Variants in ZNF608 observed in about 807,000 individuals in gnomAD.
ZNF608 encodes the protein zinc finger protein 608.
A neutral mutation model predicts 109.0 loss-of-function variants in ZNF608; 12 were observed. The ratio of observed to expected loss-of-function variants is 0.11; its 90% CI spans 0.07 to 0.18. The LOEUF is 0.18. Ranked by LOEUF, ZNF608 falls within the 10% of genes least tolerant of loss-of-function variation. ZNF608 has a pLI of 1.00. For synonymous variants in ZNF608, 732 were observed against 717.4 expected (o/e 1.02, Z -0.33); for missense variants, 1,707 against 1,879.3 (o/e 0.91, Z 1.70).
At chr5:124,678,634 C>A (rs1752063148) in intron 3 of ZNF608, among the ~76,000 whole-genome samples, 1 of 152,194 alleles carries the variant, frequency 6.6e-6, no homozygotes, top group Non-Finnish European at 1.5e-5. Flanking sequence ...GTCTGGCTAG[C>A]ATTTTCTGAG....
rs762992244 is a variant in ZNF608 at position 124,648,163 on chromosome 5, C to A, written c.2221G>T (p.Ala741Ser). The part of the protein sequence containing the change: ...KLKSARPIAP[A>S]PAPTPPQLIA... ...AGCTGCGGGGGAGTGGGGGCTGGGG[C>A]AGGGGCAATGGGCCGGGCACTTTTC... The change falls in exon 5 of 10, where the codon GCC becomes TCC. Residue 741 changes from alanine to serine, a missense_variant. Ala to Ser is a moderately conservative substitution (Grantham distance 99). Around this residue, in one of 7 missense-constraint regions of ZNF608, gnomAD observed 1,073 missense variants for 1,133.5 expected, o/e 0.95. Transcript: ENST00000513986. The A allele has an allele frequency of 1.2e-6, 2 of 1,609,306 alleles. No homozygotes were observed. The highest frequency in any genetic ancestry group is 3.3e-5 in the Admixed American group (2 of 59,938).
chr5:124,738,180 A>T (rs1287685351), intron 2 of ZNF608, among the ~76,000 whole-genome samples: 5 of 152,206 alleles, frequency 3.3e-5, no homozygotes, highest in African/African-American at 9.6e-5. Context: ...CTAAGTCATC[A>T]CTGAGGCAGG....
chr5:124,709,187 A>G (rs1223280019), intron 2 of ZNF608, among the ~76,000 whole-genome samples: 1 of 150,430 alleles, frequency 6.6e-6, no homozygotes, highest in East Asian at 1.9e-4. Context: ...AAAAAAAAAA[A>G]AAAAAAAAAA....
In ZNF608 at chr5:124,663,491, A is replaced by T. The variant is rs146140190; in HGVS notation, c.1163-13794T>A. ...GGCTACAATGTGAATGCTTCAAGTG[A>T]GAAAGCACATGTTGACATTTCGGAA... On this transcript the variant is annotated intron_variant, in intron 3 of 9. Transcript: ENST00000513986. Among the ~76,000 whole-genome samples the T allele has an allele frequency of 3.4e-3, 522 of 152,346 alleles. 1 individual carries two copies. Among genetic ancestry groups the T allele is most frequent in the African/African-American group, 0.012 (490 of 41,588 alleles).
Position 124,643,590 on chromosome 5 carries a change from T to C in ZNF608, c.4217A>G (p.Asn1406Ser). The change falls in exon 7 of 10, where the codon AAC becomes AGC. Residue 1406 changes from asparagine (N) to serine (S), a missense_variant. By Grantham distance (46) the Asn-to-Ser change is conservative. Transcript: ENST00000513986. ...TEKVNTSPSV[N>S]TKTTTESKAL... Reference sequence around the variant, plus strand: ...TTTAGATTCAGTGGTTGTTTTCGTGTTGACGCTAGGGCTGGTATTGACTTT... The same window carrying C: ...TTTAGATTCAGTGGTTGTTTTCGTGCTGACGCTAGGGCTGGTATTGACTTT... 6.2e-7 allele frequency: 1 copy of C among 1,614,230 alleles called. No homozygotes were observed. Among genetic ancestry groups the C allele is most frequent in the Non-Finnish European group, 8.5e-7 (1 of 1,180,032 alleles).
At chr5:124,719,744 G>T (rs191887409) in intron 2 of ZNF608, among the ~76,000 whole-genome samples, 69 of 152,264 alleles carry the variant, frequency 4.5e-4, no homozygotes, top group African/African-American at 1.5e-3. Context: ...AGAAGCAAAG[G>T]TTTCTGCGTT....
intron 3 of ZNF608, among the ~76,000 whole-genome samples, chr5:124,666,959 C>T (rs1429394716): frequency 6.6e-6 from 1 of 151,956 alleles, no homozygotes; most frequent in East Asian, 1.9e-4. Context: ...CACATGGTCA[C>T]AGTAACCAAC....
rs184617417 is a variant in ZNF608, at chr5:124,647,468, C to G, written c.2916G>C (p.Lys972Asn). The G allele has an allele frequency of 1.9e-6, 3 of 1,614,214 alleles. No homozygotes were observed. The East Asian group carries it at 6.7e-5, about 36-fold the overall frequency. ...ASSPSDIISS[K>N]DSVVKGHSST... Reference sequence around the variant, plus strand: ...AAGAATGCCCTTTTACAACACTGTCCTTACTAGAAATAATATCTGATGGGG... The same window carrying G: ...AAGAATGCCCTTTTACAACACTGTCGTTACTAGAAATAATATCTGATGGGG... Residue 972 changes from lysine to asparagine, a missense_variant, in exon 5 of 10, where the codon AAG (lysine) becomes AAC (asparagine). Around this residue, in one of 7 missense-constraint regions of ZNF608, gnomAD observed 1,073 missense variants for 1,133.5 expected, o/e 0.95. Coordinates refer to ENST00000513986, the MANE Select transcript of ZNF608 (RefSeq NM_020747.3).
rs139499592 is a variant in ZNF608 at position 124,744,164 on chromosome 5, T to G, written c.826A>C (p.Met276Leu). The G allele has an allele frequency of 1.2e-6, 2 of 1,613,528 alleles. No individual in the cohort carries two copies. The highest frequency in any genetic ancestry group is 1.7e-6 in the Non-Finnish European group (2 of 1,179,970). Reference protein sequence around the residue: ...VSKSAPDSGLMGNSMLVKKEE... With the variant: ...VSKSAPDSGLLGNSMLVKKEE... ...TTCTTTACCAACATAGAGTTTCCCA[T>G]GAGCCCTGAATCCGGGGCACTTTTG... Residue 276 changes from methionine to leucine, a missense_variant, in exon 2 of 10, where the codon ATG (methionine) becomes CTG (leucine). Coordinates refer to ENST00000513986, the MANE Select transcript of ZNF608 (RefSeq NM_020747.3). The surrounding 1 kb of genome is among the most constrained non-coding windows in gnomAD (Gnocchi z 4.5).
intron 7 of ZNF608, among the ~76,000 whole-genome samples, chr5:124,641,823 C>T (rs943426220): frequency 4.6e-5 from 7 of 152,168 alleles, no homozygotes; most frequent in African/African-American, 1.7e-4. Context: ...CAGTTTTAAA[C>T]GTGTCTGTAT....
chr5:124,705,258 G>A (rs1455335631), intron 2 of ZNF608, among the ~76,000 whole-genome samples: 1 of 152,202 alleles, frequency 6.6e-6, no homozygotes, highest in Non-Finnish European at 1.5e-5. Flanking sequence ...CCTCCAGTGA[G>A]GAGGCAGCAT....
chr5:124,675,349 T>C (rs1249667560), intron 3 of ZNF608, among the ~76,000 whole-genome samples: 2 of 152,350 alleles, frequency 1.3e-5, no homozygotes, highest in Non-Finnish European at 2.9e-5. Context: ...ATTTGAAATA[T>C]AAAGTCTTCT....
At position 124,639,121 on chromosome 5, in the gene ZNF608, G is replaced by C. The variant is rs781457940; in HGVS notation, c.4532+12C>G. 9.3e-6 allele frequency: 15 copies of C among 1,612,242 alleles called. No homozygotes were observed. The highest frequency in any genetic ancestry group is 1.7e-5 in the Admixed American group (1 of 59,974). On this transcript the variant is annotated intron_variant, in intron 9 of 9. Transcript: ENST00000513986. ...CTATCTACAACTAATTAAAAATGTA[G>C]AGGATATTTACCTTCTTTGTCCAGG...
chr5:124,656,270 C>T (rs1751002370), intron 3 of ZNF608, among the ~76,000 whole-genome samples: 1 of 152,124 alleles, frequency 6.6e-6, no homozygotes, highest in African/African-American at 2.4e-5. Flanking sequence ...TCATAAACCC[C>T]AGAGACACAC....
intron 3 of ZNF608, among the ~76,000 whole-genome samples, chr5:124,695,517 C>T (rs1023199461): frequency 7.2e-5 from 11 of 152,188 alleles, no homozygotes; most frequent in Non-Finnish European, 1.2e-4. Context: ...ATAATCCCAG[C>T]ACTTTGGGAG....
chr5:124,698,444 AC>A (rs1406272811), intron 3 of ZNF608, among the ~76,000 whole-genome samples: 2 of 152,196 alleles, frequency 1.3e-5, no homozygotes, highest in Admixed American at 1.3e-4. Context: ...CCTTCTTGTC[AC>A]CACAGTAAAC....
chr5:124,695,462 T>A lies in ZNF608; in HGVS notation c.1162+5552A>T, dbSNP rs532661702. The stretch of plus-strand genomic sequence containing the variant: ...TTCATTTTCCATTACATAGGATCAT[T>A]TGCCTTTTAAATAATTAGCTTGAGG... On this transcript the variant is annotated intron_variant, in intron 3 of 9. Transcript: ENST00000513986. Among the ~76,000 whole-genome samples, 5 of 152,336 alleles carry A rather than the reference T, an allele frequency of 3.3e-5. No individual in the cohort carries two copies. The South Asian group carries it at 1.0e-3, about 32-fold the overall frequency.
chr5:124,720,911 A>T (rs768055597), intron 2 of ZNF608, among the ~76,000 whole-genome samples: 3 of 135,380 alleles, frequency 2.2e-5, no homozygotes, highest in Non-Finnish European at 4.5e-5. Flanking sequence ...GCTATATGTT[A>T]TAATAAACGC....
chr5:124,673,005 A>T (rs1751791915), intron 3 of ZNF608, among the ~76,000 whole-genome samples: 1 of 152,202 alleles, frequency 6.6e-6, no homozygotes, highest in African/African-American at 2.4e-5. Context: ...ACTGCAGTGG[A>T]CTGGCTATTC....
Sources: gnomAD v4.1 joint callset for allele counts (sites outside exome capture counted in the v4.1 genomes callset) on GRCh38, gnomAD v4.1.1 for gene constraint, gnomAD v4.1.1 regional missense constraint, Gnocchi (gnomAD v3.1) non-coding constraint, MANE v1.5 for transcripts, NCBI Gene and HGNC (gene_info 2026-07-23, HGNC 2026-07-21) for gene names.